Variants in DLG2 observed in about 807,000 individuals in gnomAD.
The protein encoded by DLG2 is discs large MAGUK scaffold protein 2.
In DLG2, 45 loss-of-function variants were observed where a neutral mutation model predicts 132.5. The observed-to-expected ratio is 0.34, with a 90% CI of 0.27 to 0.44. The LOEUF (loss-of-function observed/expected upper bound fraction) is 0.44, where lower values mean the gene tolerates loss of function less well. Among genes scored for constraint, DLG2 ranks in the 20% least tolerant of loss-of-function variants. The pLI, the probability that DLG2 is intolerant of heterozygous loss-of-function variation, is 1.00. For synonymous variants in DLG2, 424 were observed against 419.6 expected, an observed-to-expected ratio of 1.01 and a Z score of -0.13; for missense variants, 1,045 against 1,196.9, an observed-to-expected ratio of 0.87 and a Z score of 1.87.
intron 18 of DLG2, among the ~76,000 whole-genome samples, chr11:83,772,102 T>C (rs2094417342): frequency 6.6e-6 from 1 of 152,150 alleles, no homozygotes; most frequent in Non-Finnish European, 1.5e-5. Context: ...GTTATTATGA[T>C]AGTCACATTG....
At chr11:83,996,196 C>CA (rs2094011796) in intron 11 of DLG2, among the ~76,000 whole-genome samples, 2 of 152,124 alleles carry the variant, frequency 1.3e-5, no homozygotes, top group African/African-American at 4.8e-5. Flanking sequence ...GGAAGACAGA[C>CA]AGACAGCAAA....
intron 6 of DLG2, among the ~76,000 whole-genome samples, chr11:84,932,961 T>G (rs1353677087): frequency 6.6e-6 from 1 of 152,240 alleles, no homozygotes; most frequent in East Asian, 1.9e-4. Flanking sequence ...ATGCTTGAAC[T>G]AATTTACATT....
intron 6 of DLG2, among the ~76,000 whole-genome samples, chr11:84,630,752 T>G (rs2099630141): frequency 1.3e-5 from 2 of 152,164 alleles, no homozygotes; most frequent in Non-Finnish European, 2.9e-5. Context: ...ATGGCATAAC[T>G]CTTTATGTTC....
intron 3 of DLG2, among the ~76,000 whole-genome samples, chr11:85,461,634 T>C (rs905328915): frequency 6.6e-6 from 1 of 152,208 alleles, no homozygotes; most frequent in Non-Finnish European, 1.5e-5. Context: ...TGGGGAATAC[T>C]CCTTGATCTT....
chr11:84,624,789 G>C (rs1042906465), intron 6 of DLG2, among the ~76,000 whole-genome samples: 1 of 148,516 alleles, frequency 6.7e-6, no homozygotes, highest in Non-Finnish European at 1.5e-5. Context: ...CTTAAGACTA[G>C]CATGATAAAA....
At chr11:85,347,691 G>T (rs1013143532) in intron 3 of DLG2, among the ~76,000 whole-genome samples, 3 of 151,048 alleles carry the variant, frequency 2.0e-5, no homozygotes, top group Middle Eastern at 3.4e-3. Flanking sequence ...TTTGTCAGTT[G>T]ATTTTTTAGC....
At chr11:83,615,479 C>T (rs961554314) in intron 19 of DLG2, among the ~76,000 whole-genome samples, 2 of 152,190 alleles carry the variant, frequency 1.3e-5, no homozygotes, top group Middle Eastern at 3.4e-3. Flanking sequence ...AGAATAACAC[C>T]CCCTCATCCC....
At chr11:84,420,829 C>T (rs538468635) in intron 7 of DLG2, among the ~76,000 whole-genome samples, 40 of 150,970 alleles carry the variant, frequency 2.6e-4, no homozygotes, top group Non-Finnish European at 3.3e-4. Flanking sequence ...CCACCACGCC[C>T]GGCTAATTTT....
chr11:85,124,160 T>G lies in DLG2; in HGVS notation c.283-12425A>C, dbSNP rs141318175. On this transcript the variant is annotated intron_variant, in intron 5 of 27. Coordinates refer to ENST00000376104, the MANE Select transcript of DLG2 (RefSeq NM_001142699.3). ...CATAGTTGCTACACTAAACCTTATGTGTATGTTGGCACTAGCTACTCCCCT... is the reference window on the plus strand; with the variant it reads ...CATAGTTGCTACACTAAACCTTATGGGTATGTTGGCACTAGCTACTCCCCT... Among the ~76,000 whole-genome samples, 141 of 152,368 alleles carry G rather than the reference T, an allele frequency of 9.3e-4. 4 individuals are homozygous for G. In the East Asian group the frequency reaches 0.023, roughly 25 times the overall value.
intron 5 of DLG2, among the ~76,000 whole-genome samples, chr11:85,138,704 G>C (rs753468230): frequency 1.3e-4 from 20 of 151,830 alleles, no homozygotes; most frequent in Non-Finnish European, 2.1e-4. Flanking sequence ...GATCTGATGG[G>C]TTTATCAGGG....
At chr11:85,589,620 T>C (rs1425417089) in intron 3 of DLG2, among the ~76,000 whole-genome samples, 1 of 151,998 alleles carries the variant, frequency 6.6e-6, no homozygotes, top group Non-Finnish European at 1.5e-5. Flanking sequence ...GCCAGGAAAG[T>C]GAGGGAAAGC....
chr11:84,123,640 C>G (rs1029545851), intron 9 of DLG2, among the ~76,000 whole-genome samples: 1 of 152,184 alleles, frequency 6.6e-6, no homozygotes. Context: ...TGATGCTGGC[C>G]TCCTACTTCA....
rs866082025 is a variant in DLG2 at position 83,791,409 on chromosome 11, G to A, written c.1723-4617C>T. The A allele has an allele frequency of 2.3e-5, 16 of 683,512 alleles. No individual in the cohort carries two copies. In the Middle Eastern group the frequency reaches 4.2e-3, roughly 179 times the overall value. The allele number at this position is 683,512 out of a possible 1,614,324, so 42.3% of individuals were successfully genotyped here. ...CTTTTCCACCTTTTTCGTCTTTCCT[G>A]TTGATATCGCAGTTGGCCATATCTT... On this transcript the variant is annotated intron_variant, in intron 17 of 27. Transcript: ENST00000376104.
At chr11:85,416,247 GT>G (rs2089836265) in intron 3 of DLG2, among the ~76,000 whole-genome samples, 1 of 150,354 alleles carries the variant, frequency 6.7e-6, no homozygotes. Context: ...AGATCAGATG[GT>G]TGTAGATGTG....
intron 19 of DLG2, among the ~76,000 whole-genome samples, chr11:83,629,710 T>G (rs2063239236): frequency 6.6e-6 from 1 of 152,122 alleles, no homozygotes; most frequent in Non-Finnish European, 1.5e-5. Context: ...AAAGGATATT[T>G]TAGAGTAGGG....
chr11:85,344,951 A>T (rs2152865943), intron 3 of DLG2, among the ~76,000 whole-genome samples: 1 of 151,614 alleles, frequency 6.6e-6, no homozygotes, highest in South Asian at 2.1e-4. Flanking sequence ...AGTTCAAATC[A>T]AATACATAAT....
chr11:85,304,795 T>C (rs962275797), intron 3 of DLG2, among the ~76,000 whole-genome samples: 1 of 152,248 alleles, frequency 6.6e-6, no homozygotes, highest in African/African-American at 2.4e-5. Context: ...AAGTCATTGC[T>C]GACTTTAAGA....
chr11:85,257,872 G>C (rs1016969651), intron 4 of DLG2, among the ~76,000 whole-genome samples: 1 of 152,126 alleles, frequency 6.6e-6, no homozygotes, highest in Non-Finnish European at 1.5e-5. Flanking sequence ...TTTTACAAAT[G>C]AGAAAATATA....
chr11:84,916,768 G>C (rs890832754), intron 6 of DLG2, among the ~76,000 whole-genome samples: 1 of 152,148 alleles, frequency 6.6e-6, no homozygotes, highest in Non-Finnish European at 1.5e-5. Flanking sequence ...AGTCCTACAC[G>C]ATCTTTTCAC....
Sources: gnomAD v4.1 joint callset for allele counts (sites outside exome capture counted in the v4.1 genomes callset) on GRCh38, gnomAD v4.1.1 for gene constraint, MANE v1.5 for transcripts, NCBI Gene and HGNC (gene_info 2026-07-23, HGNC 2026-07-21) for gene names.